SYNE2: variants seen among roughly 807,000 people sequenced by gnomAD.
SYNE2 encodes nesprin-2.
In SYNE2, 431 loss-of-function variants were observed where a neutral mutation model predicts 856.3. That is an observed-to-expected ratio of 0.50 (90% CI 0.47 to 0.55). The LOEUF (loss-of-function observed/expected upper bound fraction) is 0.55, where lower values mean the gene tolerates loss of function less well. SYNE2 is among the 20% of genes least tolerant of loss of function. The probability of loss-of-function intolerance (pLI) is 0.00; values close to 1 mark genes in which losing one functional copy is unlikely to be tolerated. For synonymous variants in SYNE2, 2,923 were observed against 2,872.3 expected (o/e 1.02, Z -0.56); for missense variants, 8,129 against 8,023.2 (o/e 1.01, Z -0.50).
chr14:64,048,149 GA>G lies in SYNE2; in HGVS notation c.7372del (p.Ile2458Ter). On this transcript the variant is annotated frameshift_variant, in exon 46 of 116. Transcript: ENST00000555002. LOFTEE classifies it high-confidence loss of function. ...TGTTAAGAAATGAACAATTAGAAGA[GA>G]TAGAGGTATGGAAACATAAAAACAC... ...TMLRNEQLEE[I>X]EKLYTQLEAK... is the part of the protein sequence containing the mutation. The G allele has an allele frequency of 6.2e-7, 1 of 1,612,898 alleles. No homozygotes were observed. The highest frequency in any genetic ancestry group is 8.5e-7 in the Non-Finnish European group (1 of 1,179,358).
intron 64 of SYNE2, 61 bp from the exon 65 acceptor site, chr14:64,107,427 AAAG>A (rs757575609): frequency 5.7e-6 from 8 of 1,398,706 alleles, no homozygotes; most frequent in South Asian, 4.6e-5. Context: ...GCATGCGCAG[AAAG>A]AAGAATTCAT....
chr14:64,141,438 C>T lies in SYNE2; in HGVS notation c.15074C>T (p.Thr5025Ile). 6.2e-7 allele frequency: 1 copy of T among 1,614,078 alleles called. No individual in the cohort carries two copies. The highest frequency in any genetic ancestry group is 1.1e-5 in the South Asian group (1 of 91,090). ...LLHLKETDTA[T>I]LRASLAQFEQ... is the part of the protein sequence containing the mutation. ...CACCTGAAAGAAACTGATACAGCTA[C>T]ACTGAGAGCTTCTTTAGCACAGTTT... is the stretch of plus-strand genomic sequence containing the variant. The change falls in exon 81 of 116, where the codon ACA becomes ATA. Residue 5025 changes from threonine to isoleucine, a missense_variant. Coordinates refer to ENST00000555002, the MANE Select transcript of SYNE2 (RefSeq NM_182914.3).
At chr14:64,088,416 G>A (rs2097580274) in intron 58 of SYNE2, among the ~76,000 whole-genome samples, 1 of 152,172 alleles carries the variant, frequency 6.6e-6, no homozygotes, top group African/African-American at 2.4e-5. Flanking sequence ...CTTTGTCAAA[G>A]AGAAATACTA....
At chr14:64,014,224 G>A (rs906332734) in intron 32 of SYNE2, among the ~76,000 whole-genome samples, 2 of 152,174 alleles carry the variant, frequency 1.3e-5, no homozygotes, top group African/African-American at 4.8e-5. Flanking sequence ...TTGTTGCTGA[G>A]CAGTATTCCA....
At chr14:63,840,006 C>T (rs1174889653) in intron 1 of SYNE2, among the ~76,000 whole-genome samples, 3 of 152,216 alleles carry the variant, frequency 2.0e-5, no homozygotes, top group Admixed American at 6.5e-5. Flanking sequence ...CGGTGGCTCA[C>T]GCCTATAATC....
chr14:63,867,612 C>A (rs1021407437), intron 1 of SYNE2, among the ~76,000 whole-genome samples: 2 of 152,054 alleles, frequency 1.3e-5, no homozygotes, highest in African/African-American at 4.8e-5. Flanking sequence ...GCAGGAGAAT[C>A]GCTTGAACCC....
At chr14:64,100,905 T>C (rs1375411550) in intron 63 of SYNE2, among the ~76,000 whole-genome samples, 1 of 151,964 alleles carries the variant, frequency 6.6e-6, no homozygotes, top group Non-Finnish European at 1.5e-5. Flanking sequence ...TGATGTGGTA[T>C]GTGTCCTTCT....
At chr14:64,074,391 C>G (rs1267372919) in intron 53 of SYNE2, among the ~76,000 whole-genome samples, 1 of 152,148 alleles carries the variant, frequency 6.6e-6, no homozygotes, top group Non-Finnish European at 1.5e-5. Context: ...CTTCTTTCAA[C>G]TATGTTTCCA....
chr14:64,038,633 G>C (rs934386832), intron 45 of SYNE2, among the ~76,000 whole-genome samples: 13 of 152,258 alleles, frequency 8.5e-5, no homozygotes, highest in Non-Finnish European at 1.6e-4. Flanking sequence ...CGGCGGTTAG[G>C]AGCTGGAGAC....
chr14:64,169,856 A>G (rs2098402170), intron 93 of SYNE2, among the ~76,000 whole-genome samples: 1 of 152,350 alleles, frequency 6.6e-6, no homozygotes, highest in Middle Eastern at 3.4e-3. Flanking sequence ...TGTAAAGTAC[A>G]CTCAAGTAAT....
At chr14:64,040,245 G>A (rs1250048660) in intron 45 of SYNE2, among the ~76,000 whole-genome samples, 2 of 152,030 alleles carry the variant, frequency 1.3e-5, no homozygotes, top group Admixed American at 6.6e-5. Context: ...ACAAGGAGGA[G>A]TACTCATCAC....
intron 51 of SYNE2, among the ~76,000 whole-genome samples, chr14:64,069,852 C>G (rs967981581): frequency 6.6e-6 from 1 of 152,186 alleles, no homozygotes; most frequent in Non-Finnish European, 1.5e-5. Context: ...ACATAGATGA[C>G]TGGAGTGATA....
intron 1 of SYNE2, among the ~76,000 whole-genome samples, chr14:63,853,544 G>A (rs1466533600): frequency 6.6e-6 from 1 of 151,714 alleles, no homozygotes; most frequent in East Asian, 1.9e-4. Context: ...GGCCCTCGGG[G>A]GCCGCTGATT....
At chr14:63,990,847 C>G (rs2096661286) in intron 20 of SYNE2, 95 bp from the exon 21 acceptor site, 1 of 1,011,224 alleles carries the variant, frequency 9.9e-7, no homozygotes, top group Non-Finnish European at 1.5e-6. Context: ...ATCTAAATAT[C>G]TTTGTCTAGT....
At chr14:63,843,269 T>C (rs1890128887) in intron 1 of SYNE2, among the ~76,000 whole-genome samples, 1 of 151,858 alleles carries the variant, frequency 6.6e-6, no homozygotes, top group African/African-American at 2.4e-5. Context: ...CCGAGGCTGG[T>C]CTCAAACTCC....
intron 32 of SYNE2, among the ~76,000 whole-genome samples, chr14:64,011,139 A>G (rs908116274): frequency 2.1e-4 from 10 of 46,620 alleles, no homozygotes; most frequent in Non-Finnish European, 9.2e-4. Context: ...CTCAAATGAC[A>G]CCCAGAGTGT....
chr14:64,126,980 C>T (rs752528932), intron 73 of SYNE2, among the ~76,000 whole-genome samples, 173 bp downstream of exon 73: 7 of 152,140 alleles, frequency 4.6e-5, no homozygotes, highest in South Asian at 2.1e-4. Flanking sequence ...AAGCCCTGGC[C>T]GAGTGCAGTG....
rs1345055837 is a variant in SYNE2, at chr14:64,187,431, AG to A, written c.17712+854del. On this transcript the variant is annotated intron_variant, in intron 97 of 115. Coordinates refer to ENST00000555002, the MANE Select transcript of SYNE2 (RefSeq NM_182914.3). ...TATATGAAAAGTGTTCTGAAAGTTAAGGTAGACAGGAAGACTGGGGCCCAGA... is the reference window on the plus strand; with the variant it reads ...TATATGAAAAGTGTTCTGAAAGTTAAGTAGACAGGAAGACTGGGGCCCAGA... Among the ~76,000 whole-genome samples the A allele has an allele frequency of 2.6e-5, 4 of 152,220 alleles. No homozygotes were observed. In the East Asian group the frequency reaches 7.7e-4, roughly 29 times the overall value.
At chr14:64,037,815 C>A (rs1343221748) in intron 45 of SYNE2, among the ~76,000 whole-genome samples, 1 of 147,024 alleles carries the variant, frequency 6.8e-6, no homozygotes, top group Non-Finnish European at 1.5e-5. Flanking sequence ...CCTCACCTCC[C>A]GGACGGGGCG....
Sources: allele counts gnomAD v4.1 joint callset (sites outside exome capture counted in the v4.1 genomes callset), GRCh38; gene constraint gnomAD v4.1.1; transcripts MANE v1.5; gene names NCBI Gene and HGNC (gene_info 2026-07-23, HGNC 2026-07-21).